USP34: variants seen among roughly 807,000 people sequenced by gnomAD.
USP34 encodes the protein ubiquitin carboxyl-terminal hydrolase 34.
USP34 carries 70 observed loss-of-function variants against 460.3 expected under a neutral mutation model. The ratio of observed to expected loss-of-function variants is 0.15; its 90% CI spans 0.13 to 0.19. The LOEUF (loss-of-function observed/expected upper bound fraction) is 0.19, where lower values mean the gene tolerates loss of function less well. USP34 is among the 10% of genes least tolerant of loss of function. USP34 has a pLI of 1.00. For synonymous variants in USP34, 1,647 were observed against 1,405.3 expected (o/e 1.17, Z -3.85); for missense variants, 3,985 against 4,236.2 (o/e 0.94, Z 1.65).
intron 20 of USP34, among the ~76,000 whole-genome samples, chr2:61,330,942 A>G (rs998205340): frequency 1.3e-5 from 2 of 152,178 alleles, no homozygotes; most frequent in African/African-American, 4.8e-5. Context: ...TTTAGAATCA[A>G]TGCTCTAAAC....
intron 1 of USP34, among the ~76,000 whole-genome samples, chr2:61,433,270 C>T (rs1469922407): frequency 1.3e-5 from 2 of 152,146 alleles, no homozygotes; most frequent in African/African-American, 4.8e-5. Context: ...CTTCCTGATG[C>T]AGGGAAAAAG....
At chr2:61,417,887 GA>G (rs1694244353) in intron 2 of USP34, among the ~76,000 whole-genome samples, 1 of 144,086 alleles carries the variant, frequency 6.9e-6, no homozygotes, top group South Asian at 2.2e-4. Flanking sequence ...GGTTACACAT[GA>G]GCACCCCACG....
At chr2:61,269,390 T>C (rs1689148072) in intron 41 of USP34, among the ~76,000 whole-genome samples, 1 of 150,582 alleles carries the variant, frequency 6.6e-6, no homozygotes, top group South Asian at 2.1e-4. Flanking sequence ...GGTCTCCAAC[T>C]CCTGGGCTCA....
Position 61,223,255 on chromosome 2 carries a change from C to G in USP34, c.7637G>C (p.Gly2546Ala). The change falls in exon 63 of 80, where the codon GGA becomes GCA. Residue 2546 changes from glycine to alanine, a missense_variant. Gly to Ala is a moderately conservative substitution (Grantham distance 60). Coordinates refer to ENST00000398571, the MANE Select transcript of USP34 (RefSeq NM_014709.4). ...LSQTDMAALT[G>A]GKGFPFLFQH... ...TATTAGAGAATGTACTACCTTTCCT[C>G]CTGTTAATGCTGCCATGTCAGTCTG... 2 of 1,613,986 alleles carry G rather than the reference C, an allele frequency of 1.2e-6. No homozygotes were observed.
chr2:61,451,376 CAT>C (rs1695271143), intron 1 of USP34, among the ~76,000 whole-genome samples: 1 of 151,728 alleles, frequency 6.6e-6, no homozygotes, highest in South Asian at 2.1e-4. Flanking sequence ...AGAATATACT[CAT>C]AAATTCTGTA....
chr2:61,435,605 T>C (rs1198033628), intron 1 of USP34, among the ~76,000 whole-genome samples: 1 of 152,126 alleles, frequency 6.6e-6, no homozygotes, highest in African/African-American at 2.4e-5. Context: ...GAATTTCATA[T>C]ATGGAAGAGC....
At chr2:61,364,799 G>A (rs1290294424) in intron 10 of USP34, among the ~76,000 whole-genome samples, 3 of 151,806 alleles carry the variant, frequency 2.0e-5, no homozygotes, top group African/African-American at 4.8e-5. Flanking sequence ...GTGGTGGTGC[G>A]CACGTCTGTA....
intron 1 of USP34, among the ~76,000 whole-genome samples, chr2:61,423,105 C>T (rs1433205624): frequency 1.3e-5 from 2 of 152,118 alleles, no homozygotes; most frequent in African/African-American, 2.4e-5. Context: ...ATCAGATATA[C>T]TTTTGTCTTT....
At chr2:61,381,150 G>C (rs1264465415) in intron 6 of USP34, among the ~76,000 whole-genome samples, 1 of 149,890 alleles carries the variant, frequency 6.7e-6, no homozygotes, top group Non-Finnish European at 1.5e-5. Flanking sequence ...CTCCACTATT[G>C]TCCTATGACC....
chr2:61,258,171 T>A (rs991125297), intron 44 of USP34, among the ~76,000 whole-genome samples: 1 of 151,988 alleles, frequency 6.6e-6, no homozygotes, highest in Admixed American at 6.6e-5. Context: ...TTGGGGAACA[T>A]AGTGAGACTC....
Position 61,334,006 on chromosome 2 carries a change from G to A in USP34, c.2745-35C>T, listed in dbSNP as rs779864832. 9.7e-6 allele frequency: 14 copies of A among 1,440,232 alleles called. No individual in the cohort carries two copies. In the African/African-American group the frequency reaches 1.9e-4, roughly 19 times the overall value. The allele number at this position is 1,440,232 out of a possible 1,614,324, so 89.2% of individuals were successfully genotyped here. On this transcript the variant is annotated intron_variant, in intron 18 of 79. Transcript: ENST00000398571. ...CAGAAACATTCACAAAATAATTTTA[G>A]TAATTCTTTTTATAGAAATTCAGCC...
chr2:61,364,929 C>CA (rs933221849), intron 10 of USP34, among the ~76,000 whole-genome samples: 3 of 150,520 alleles, frequency 2.0e-5, no homozygotes, highest in Non-Finnish European at 4.4e-5. Flanking sequence ...GACTCTGTCT[C>CA]AAAAAAATAA....
In USP34 at chr2:61,266,149, A is replaced by C. The variant is rs938793028; in HGVS notation, c.5452T>G (p.Phe1818Val). Residue 1818 changes from phenylalanine (F) to valine (V), a missense_variant, in exon 42 of 80, where the codon TTC (phenylalanine) becomes GTC (valine). Phe to Val is a conservative substitution (Grantham distance 50). Around this residue, in one of 14 missense-constraint regions of USP34, gnomAD observed 1,114 missense variants for 1,122.5 expected, o/e 0.99. Transcript: ENST00000398571. Reference sequence around the variant, plus strand: ...CTTGGCAACAAAAACAGGAGATTGAAGATATCTCTCAAAAATTCCTGGGGA... The same window carrying C: ...CTTGGCAACAAAAACAGGAGATTGACGATATCTCTCAAAAATTCCTGGGGA... Reference protein sequence around the residue: ...REGQEFLRDIFNLLFLLPSLK... With the variant: ...REGQEFLRDIVNLLFLLPSLK... 1 of 1,610,076 alleles carries C rather than the reference A, an allele frequency of 6.2e-7. No individual in the cohort carries two copies. The highest frequency in any genetic ancestry group is 1.7e-5 in the Admixed American group (1 of 59,712).
chr2:61,380,215 A>G lies in USP34; in HGVS notation c.968T>C (p.Met323Thr). 6.2e-7 allele frequency: 1 copy of G among 1,614,192 alleles called. No individual in the cohort carries two copies. Among genetic ancestry groups the G allele is most frequent in the Non-Finnish European group, 8.5e-7 (1 of 1,180,000 alleles). The change falls in exon 7 of 80, where the codon ATG becomes ACG. Residue 323 changes from methionine to threonine, a missense_variant. By Grantham distance (81) the Met-to-Thr change is moderately conservative (BLOSUM62 -1). This residue lies in a region of USP34 where 70 missense variants were observed against 109.5 expected (regional missense o/e 0.64). Coordinates refer to ENST00000398571, the MANE Select transcript of USP34 (RefSeq NM_014709.4). Reference protein sequence around the residue: ...ESLDLAFKYFMSPTLTMRLAG... With the variant: ...ESLDLAFKYFTSPTLTMRLAG... ...CAACCTCATAGTCAAAGTAGGTGAC[A>G]TAAAGTACTTAAATGCAAGATCTAG...
At chr2:61,457,476 C>T (rs549837383) in intron 1 of USP34, among the ~76,000 whole-genome samples, 33 of 152,172 alleles carry the variant, frequency 2.2e-4, no homozygotes, top group Admixed American at 1.6e-3. Context: ...GCCAAAGAAA[C>T]GGTTTTTTCT....
At chr2:61,336,311 G>C (rs546422393) in intron 18 of USP34, among the ~76,000 whole-genome samples, 9 of 152,030 alleles carry the variant, frequency 5.9e-5, no homozygotes, top group East Asian at 1.9e-4. Context: ...TTTTTCTGTA[G>C]AGATGGGGTC....
intron 3 of USP34, among the ~76,000 whole-genome samples, chr2:61,400,680 C>T (rs1263248729): frequency 2.6e-5 from 4 of 151,900 alleles, no homozygotes; most frequent in Non-Finnish European, 2.9e-5. Context: ...CAAGACCCTG[C>T]CTCCTCAAAA....
intron 53 of USP34, among the ~76,000 whole-genome samples, chr2:61,240,819 C>G (rs961163382): frequency 2.0e-4 from 30 of 151,740 alleles, no homozygotes; most frequent in Admixed American, 3.9e-4. Flanking sequence ...CGTGATCCAC[C>G]TGTCTGAGCT....
At chr2:61,352,785 G>C (rs986536205) in intron 10 of USP34, among the ~76,000 whole-genome samples, 1 of 151,902 alleles carries the variant, frequency 6.6e-6, no homozygotes, top group Non-Finnish European at 1.5e-5. Context: ...CAGAGGAGGA[G>C]GAAGAGGACA....
Sources: allele counts gnomAD v4.1 joint callset (sites outside exome capture counted in the v4.1 genomes callset), GRCh38; gene constraint gnomAD v4.1.1; regional missense constraint gnomAD v4.1.1; transcripts MANE v1.5; gene names NCBI Gene and HGNC (gene_info 2026-07-23, HGNC 2026-07-21).